The following NFATC1 variants were observed in gnomAD, a reference collection of about 807,000 sequenced individuals.
The protein encoded by NFATC1 is nuclear factor of activated T-cells, cytoplasmic 1.
A neutral mutation model predicts 76.0 loss-of-function variants in NFATC1; 22 were observed. That is an observed-to-expected ratio of 0.29 (90% CI 0.21 to 0.41). The LOEUF is 0.41. Among genes scored for constraint, NFATC1 ranks in the 10% least tolerant of loss-of-function variants. The pLI is 1.00. For synonymous variants in NFATC1, 704 were observed against 613.1 expected (o/e 1.15, Z -2.19); for missense variants, 1,357 against 1,337.7 (o/e 1.01, Z -0.23).
At chr18:79,420,636 G>A (rs566567588) in intron 2 of NFATC1, among the ~76,000 whole-genome samples, 1 of 149,784 alleles carries the variant, frequency 6.7e-6, no homozygotes, top group African/African-American at 2.5e-5. Flanking sequence ...AGGTGGATGC[G>A]TTTCCAGGCA....
intron 3 of NFATC1, among the ~76,000 whole-genome samples, chr18:79,440,950 C>T (rs1359906728): frequency 2.6e-5 from 4 of 152,214 alleles, no homozygotes; most frequent in Non-Finnish European, 5.9e-5. Flanking sequence ...TGGGCGTGTG[C>T]CCGTCTGGGC....
intron 3 of NFATC1, among the ~76,000 whole-genome samples, chr18:79,442,288 C>G (rs2087008543): frequency 6.6e-6 from 1 of 152,256 alleles, no homozygotes; most frequent in Non-Finnish European, 1.5e-5. Flanking sequence ...GCCGGGCGGC[C>G]TTTCTCCTCC....
At chr18:79,460,905 C>T (rs964988774) in intron 6 of NFATC1, among the ~76,000 whole-genome samples, 1 of 152,202 alleles carries the variant, frequency 6.6e-6, no homozygotes, top group African/African-American at 2.4e-5. Context: ...TACCTGCTCC[C>T]CCTCACACCT....
At chr18:79,424,983 C>CTCTG (rs748798797) in intron 2 of NFATC1, among the ~76,000 whole-genome samples, 4 of 150,854 alleles carry the variant, frequency 2.7e-5, no homozygotes, top group Non-Finnish European at 5.9e-5. Flanking sequence ...GTCTCTCTGT[C>CTCTG]TCTCTGTGTC....
chr18:79,408,813 CCATT>C (rs1375408419), intron 1 of NFATC1, among the ~76,000 whole-genome samples: 1 of 152,026 alleles, frequency 6.6e-6, no homozygotes, highest in African/African-American at 2.4e-5. Flanking sequence ...CATTCCCTAT[CCATT>C]CATTCATCAT....
chr18:79,483,277 AGCGTGACCTGGTCCTGGGGTGTCATTCCG>A (rs2089366106), intron 8 of NFATC1, among the ~76,000 whole-genome samples: 9 of 110,794 alleles, frequency 8.1e-5, no homozygotes, highest in Admixed American at 2.0e-4. Context: ...GCGTCACTCC[AGCGTGACCTGGTCCTGGGGTGTCATTCCG>A]GCGTGACCTG....
At chr18:79,419,751 A>G (rs571872629) in intron 2 of NFATC1, among the ~76,000 whole-genome samples, 2 of 152,318 alleles carry the variant, frequency 1.3e-5, no homozygotes, top group South Asian at 4.1e-4. Context: ...TCCTGCGCCA[A>G]CGTTGGCTTT....
At chr18:79,433,556 T>TC (rs2086670385) in intron 2 of NFATC1, 23 bp from the exon 3 acceptor site, 2 of 1,612,372 alleles carry the variant, frequency 1.2e-6, no homozygotes, top group South Asian at 2.2e-5. Flanking sequence ...GCTGAACGCC[T>TC]CCTCTGCTCT....
chr18:79,438,203 TC>T (rs899713607), intron 3 of NFATC1, among the ~76,000 whole-genome samples: 15 of 152,212 alleles, frequency 9.9e-5, no homozygotes, highest in African/African-American at 3.6e-4. Context: ...TGTGCCTCCT[TC>T]CTTCCCTCCT....
At chr18:79,474,848 C>T (rs1264642766) in intron 8 of NFATC1, among the ~76,000 whole-genome samples, 5 of 139,634 alleles carry the variant, frequency 3.6e-5, no homozygotes, top group East Asian at 2.1e-4. Flanking sequence ...TCGCTGTCAA[C>T]GTAAACCTGA....
rs2090831242 is a variant in NFATC1 at position 79,528,761 on chromosome 18, C to A, written c.*1184C>A. On this transcript the variant is annotated 3_prime_UTR_variant, in exon 10 of 10. Transcript: ENST00000427363. ...CAAAAACGCCACTTTAATGCTCAGC[C>A]CTGCGTTGTGTGTTTTCAGATGAGT... 6.6e-6 allele frequency: 1 copy of A among 152,348 alleles called. No homozygotes were observed. The highest frequency in any genetic ancestry group is 1.9e-4 in the East Asian group (1 of 5,204). 9.4% of individuals were successfully genotyped at this position (152,348 alleles called of 1,614,324 possible).
rs1340180145 is a variant in NFATC1 at position 79,470,405 on chromosome 18, G to A, written c.2092+2823G>A. 5 of 152,260 alleles carry A rather than the reference G, an allele frequency of 3.3e-5. No homozygotes were observed. In the East Asian group the frequency reaches 7.7e-4, roughly 23 times the overall value. The allele number at this position is 152,260 out of a possible 1,614,324, so 9.4% of individuals were successfully genotyped here. ...CACGGCAGTGAGGGGCGGACTCCTAGGGTTGTGAAATGTGCCGTTGAAATG... is the reference window on the plus strand; with the variant it reads ...CACGGCAGTGAGGGGCGGACTCCTAAGGTTGTGAAATGTGCCGTTGAAATG... On this transcript the variant is annotated intron_variant, in intron 8 of 9. Coordinates refer to ENST00000427363, the MANE Select transcript of NFATC1 (RefSeq NM_001278669.2).
intron 3 of NFATC1, among the ~76,000 whole-genome samples, chr18:79,443,702 G>T (rs959954990): frequency 2.0e-5 from 3 of 152,206 alleles, no homozygotes; most frequent in African/African-American, 7.2e-5. Context: ...TCCTTCTGCC[G>T]ACGGCATCTG....
At chr18:79,459,970 A>G (rs1246515923) in intron 6 of NFATC1, among the ~76,000 whole-genome samples, 1 of 152,180 alleles carries the variant, frequency 6.6e-6, no homozygotes, top group African/African-American at 2.4e-5. Flanking sequence ...TTGCTGCTTC[A>G]TGAAACTCAG....
intron 2 of NFATC1, among the ~76,000 whole-genome samples, chr18:79,427,225 A>G (rs943951618): frequency 2.6e-4 from 40 of 152,168 alleles, no homozygotes; most frequent in African/African-American, 8.4e-4. Context: ...CCCACGTCCC[A>G]TTGTCTGTGA....
intron 9 of NFATC1, among the ~76,000 whole-genome samples, chr18:79,495,390 A>G (rs2089852454): frequency 6.6e-6 from 1 of 152,232 alleles, no homozygotes; most frequent in African/African-American, 2.4e-5. Flanking sequence ...ATCAGTCTAC[A>G]GTCCAATTTT....
At chr18:79,470,031 T>G in intron 8 of NFATC1, 8 of 984,550 alleles carry the variant, frequency 8.1e-6, no homozygotes, top group Non-Finnish European at 9.6e-6. Context: ...GTATCCGTGT[T>G]CCGTCCCGCG....
intron 9 of NFATC1, among the ~76,000 whole-genome samples, chr18:79,523,052 C>T (rs980867227): frequency 7.9e-5 from 12 of 152,188 alleles, no homozygotes; most frequent in African/African-American, 2.4e-4. Context: ...CCGAGCCCTC[C>T]GTGGTCCCTG....
chr18:79,506,111 G>A lies in NFATC1; in HGVS notation c.2782+19174G>A, dbSNP rs1014351735. On this transcript the variant is annotated intron_variant, in intron 9 of 9. Transcript: ENST00000427363. ...CTGGGAGACCCTAGCAATGCCACGTGCTTTTTACTTTTCTTCAACTGAGTT... is the reference window on the plus strand; with the variant it reads ...CTGGGAGACCCTAGCAATGCCACGTACTTTTTACTTTTCTTCAACTGAGTT... Among the ~76,000 whole-genome samples, 44 of 152,208 alleles carry A rather than the reference G, an allele frequency of 2.9e-4. 2 individuals carry two copies. Among genetic ancestry groups the A allele is most frequent in the Non-Finnish European group, 1.5e-5 (1 of 68,024 alleles).
Sources: allele counts gnomAD v4.1 joint callset (sites outside exome capture counted in the v4.1 genomes callset), GRCh38; gene constraint gnomAD v4.1.1; transcripts MANE v1.5; gene names NCBI Gene and HGNC (gene_info 2026-07-23, HGNC 2026-07-21).